Variants in RAB38 observed in about 807,000 individuals in gnomAD.
RAB38 encodes RAB38, member RAS oncogene family.
In RAB38, 15 loss-of-function variants were observed where a neutral mutation model predicts 18.4. The ratio of observed to expected loss-of-function variants is 0.82; its 90% CI spans 0.55 to 1.26. The LOEUF (loss-of-function observed/expected upper bound fraction) is 1.26. Among genes scored for constraint, RAB38 ranks in the 50% most tolerant of loss-of-function variants. The pLI, the probability that RAB38 is intolerant of heterozygous loss-of-function variation, is 0.00. For missense variants in RAB38, 294 were observed against 267.4 expected, an observed-to-expected ratio of 1.10 and a Z score of -0.69; for synonymous variants, 101 against 104.4, an observed-to-expected ratio of 0.97 and a Z score of 0.20.
At chr11:88,135,100 A>G (rs1942817529) in intron 2 of RAB38, among the ~76,000 whole-genome samples, 1 of 146,604 alleles carries the variant, frequency 6.8e-6, no homozygotes, top group Non-Finnish European at 1.5e-5. Context: ...TTACCTTAAA[A>G]ACAACAACAA....
chr11:88,010,594 C>T, the RAB38 span, among the ~76,000 whole-genome samples: 3 of 152,204 alleles, frequency 2.0e-5, no homozygotes, highest in South Asian at 4.1e-4. Flanking sequence ...GTCAGGATTT[C>T]GAGTTGAATA....
the RAB38 span, among the ~76,000 whole-genome samples, chr11:88,006,235 TC>T: frequency 6.6e-6 from 1 of 151,468 alleles, no homozygotes; most frequent in Non-Finnish European, 1.5e-5. Context: ...ATCACCTGAC[TC>T]CAGTCAGAAT....
At chr11:87,959,291 T>C in the RAB38 span, among the ~76,000 whole-genome samples, 4 of 152,272 alleles carry the variant, frequency 2.6e-5, no homozygotes, top group African/African-American at 9.6e-5. Context: ...AAACCCTCCA[T>C]CATTCTAAAA....
chr11:88,091,887 G>A, the RAB38 span, among the ~76,000 whole-genome samples: 1 of 151,858 alleles, frequency 6.6e-6, no homozygotes, highest in Non-Finnish European at 1.5e-5. Flanking sequence ...AACTGTAGAG[G>A]CTCTTGGTAA....
the RAB38 span, among the ~76,000 whole-genome samples, chr11:87,941,694 A>T: frequency 1.3e-5 from 2 of 152,158 alleles, no homozygotes; most frequent in Admixed American, 1.3e-4. Context: ...AGGAAAAGGT[A>T]TGAGATTAAC....
At chr11:88,039,842 G>A in the RAB38 span, among the ~76,000 whole-genome samples, 1 of 152,176 alleles carries the variant, frequency 6.6e-6, no homozygotes, top group Non-Finnish European at 1.5e-5. Flanking sequence ...ATCTTTAAAT[G>A]AAGGGAATGC....
the RAB38 span, chr11:87,817,122 A>T: frequency 1.3e-5 from 2 of 152,156 alleles, no homozygotes; most frequent in Admixed American, 6.5e-5. Flanking sequence ...CAACTGTTCA[A>T]ATCAGGAGCT....
chr11:88,026,039 A>C, the RAB38 span, among the ~76,000 whole-genome samples: 1 of 151,956 alleles, frequency 6.6e-6, no homozygotes, highest in African/African-American at 2.4e-5. Flanking sequence ...ATTTTGGCTC[A>C]CTGCAACCTC....
chr11:88,148,148 G>C (rs1448057630), intron 2 of RAB38, among the ~76,000 whole-genome samples: 1 of 152,110 alleles, frequency 6.6e-6, no homozygotes, highest in African/African-American at 2.4e-5. Flanking sequence ...AAAGCACACT[G>C]GCATACTGGG....
At chr11:88,041,102 G>C in the RAB38 span, among the ~76,000 whole-genome samples, 2 of 152,244 alleles carry the variant, frequency 1.3e-5, no homozygotes, top group East Asian at 3.9e-4. Flanking sequence ...ACATTGCTAG[G>C]ATATTTTTAT....
At chr11:88,149,453 T>C (rs1428342718) in intron 2 of RAB38, among the ~76,000 whole-genome samples, 5 of 152,196 alleles carry the variant, frequency 3.3e-5, no homozygotes, top group African/African-American at 1.2e-4. Flanking sequence ...TGAAACCTTG[T>C]ACAAGTTGCT....
chr11:88,121,317 C>T (rs1942625637), intron 2 of RAB38, among the ~76,000 whole-genome samples: 1 of 152,162 alleles, frequency 6.6e-6, no homozygotes, highest in South Asian at 2.1e-4. Flanking sequence ...ATAGCTGATG[C>T]CTATGGATAA....
the RAB38 span, among the ~76,000 whole-genome samples, chr11:87,822,459 G>C: frequency 6.6e-6 from 1 of 152,142 alleles, no homozygotes; most frequent in Admixed American, 6.5e-5. Flanking sequence ...TCTCTCACAA[G>C]ACTTCAAACC....
the RAB38 span, among the ~76,000 whole-genome samples, chr11:87,950,717 A>T: frequency 6.6e-6 from 1 of 151,954 alleles, no homozygotes; most frequent in Non-Finnish European, 1.5e-5. Context: ...ATTGGCCCCC[A>T]CTCTCTTCTG....
the RAB38 span, among the ~76,000 whole-genome samples, chr11:87,906,332 G>A: frequency 2.6e-5 from 4 of 151,906 alleles, no homozygotes; most frequent in Non-Finnish European, 1.5e-5. Flanking sequence ...CATTTGATTA[G>A]TGAAACTTTT....
At chr11:87,941,242 T>TATATATATATATATATATATAC in the RAB38 span, among the ~76,000 whole-genome samples, 1 of 134,154 alleles carries the variant, frequency 7.5e-6, no homozygotes, top group Non-Finnish European at 1.6e-5. Flanking sequence ...TATATATATA[T>TATATATATATATATATATATAC]ATATGTAACT....
chr11:88,123,592 G>C (rs958485756), intron 2 of RAB38, among the ~76,000 whole-genome samples: 1 of 152,154 alleles, frequency 6.6e-6, no homozygotes, highest in African/African-American at 2.4e-5. Context: ...AACTACTGTA[G>C]GCTTTGCAGT....
the RAB38 span, among the ~76,000 whole-genome samples, chr11:88,058,709 T>C: frequency 1.3e-5 from 2 of 152,226 alleles, no homozygotes; most frequent in African/African-American, 2.4e-5. Flanking sequence ...AAAGATGCTC[T>C]TGTAGGCATT....
At chr11:88,081,018 C>T in the RAB38 span, among the ~76,000 whole-genome samples, 4 of 151,794 alleles carry the variant, frequency 2.6e-5, no homozygotes, top group South Asian at 8.3e-4. Flanking sequence ...TATTTTAAGA[C>T]ACTATATAAA....
Sources: gnomAD v4.1 joint callset for allele counts (sites outside exome capture counted in the v4.1 genomes callset) on GRCh38, gnomAD v4.1.1 for gene constraint, MANE v1.5 for transcripts, NCBI Gene and HGNC (gene_info 2026-07-23, HGNC 2026-07-21) for gene names.